SERPINI1: variants seen among roughly 807,000 people sequenced by gnomAD.
The protein encoded by SERPINI1 is serpin family I member 1, also known as neuroserpin.
A neutral mutation model predicts 41.1 loss-of-function variants in SERPINI1; 19 were observed. The ratio of observed to expected loss-of-function variants is 0.46; its 90% confidence interval spans 0.32 to 0.68. The LOEUF is 0.68. Ranked by LOEUF, SERPINI1 falls within the 30% of genes least tolerant of loss-of-function variation. The probability of loss-of-function intolerance (pLI) is 0.03; values close to 1 mark genes in which losing one functional copy is unlikely to be tolerated. For synonymous variants in SERPINI1, 138 were observed against 156.6 expected, an observed-to-expected ratio of 0.88 and a Z score of 0.89; for missense variants, 460 against 479.2, an observed-to-expected ratio of 0.96 and a Z score of 0.37.
At position 167,792,616 on chromosome 3, in the gene SERPINI1, A is replaced by G. The variant is rs774989939; in HGVS notation, c.508A>G (p.Arg170Gly). 109 of 1,613,550 alleles carry G rather than the reference A, an allele frequency of 6.8e-5. No individual in the cohort carries two copies. The highest frequency in any genetic ancestry group is 8.6e-5 in the Non-Finnish European group (101 of 1,179,858). ...TCTGGTGAAAGATTTGGTATCCCCA[A>G]GGGATTTTGATGCTGCCACTTATCT... Reference protein sequence around the residue: ...NNLVKDLVSPRDFDAATYLAL... With the variant: ...NNLVKDLVSPGDFDAATYLAL... The change falls in exon 4 of 9, where the codon AGG (arginine) becomes GGG (glycine). Residue 170 changes from arginine (R) to glycine (G), a missense_variant. By Grantham distance (125) the Arg-to-Gly change is moderately radical (BLOSUM62 -2). Transcript: ENST00000446050.
At position 167,792,638 on chromosome 3, in the gene SERPINI1, A is replaced by T. The variant is rs765811460; in HGVS notation, c.530A>T (p.Tyr177Phe). Residue 177 changes from tyrosine (Y) to phenylalanine (F), a missense_variant, in exon 4 of 9, where the codon TAT becomes TTT. By Grantham distance (22) the Tyr-to-Phe change is conservative. Coordinates refer to ENST00000446050, the MANE Select transcript of SERPINI1 (RefSeq NM_001122752.2). The part of the protein sequence containing the change: ...VSPRDFDAAT[Y>F]LALINAVYFK... The stretch of plus-strand genomic sequence containing the variant: ...CCAAGGGATTTTGATGCTGCCACTT[A>T]TCTGGCCCTCATTAATGCTGTCTAT... 6.2e-7 allele frequency: 1 copy of T among 1,613,772 alleles called. No homozygotes were observed. Among genetic ancestry groups the T allele is most frequent in the Non-Finnish European group, 8.5e-7 (1 of 1,179,898 alleles).
At chr3:167,746,871 G>T (rs1337190863) in intron 1 of SERPINI1, among the ~76,000 whole-genome samples, 3 of 152,190 alleles carry the variant, frequency 2.0e-5, no homozygotes, top group Admixed American at 2.0e-4. Flanking sequence ...AAACAGTTTA[G>T]CCATTCTTCA....
chr3:167,789,447 T>A, intron 2 of SERPINI1, 69 bp downstream of exon 2: 1 of 1,554,522 alleles, frequency 6.4e-7, no homozygotes, highest in Non-Finnish European at 8.9e-7. Context: ...GTTGTATTCT[T>A]ATTCTAGACA....
intron 6 of SERPINI1, among the ~76,000 whole-genome samples, chr3:167,820,758 G>A (rs1712295178): frequency 6.6e-6 from 1 of 152,200 alleles, no homozygotes; most frequent in South Asian, 2.1e-4. Context: ...CAGGCTCCTG[G>A]GTGGAAAGGG....
At chr3:167,744,398 T>C (rs1392387029) in intron 1 of SERPINI1, among the ~76,000 whole-genome samples, 1 of 151,318 alleles carries the variant, frequency 6.6e-6, no homozygotes, top group African/African-American at 2.4e-5. Context: ...AATAGGGATT[T>C]GAAGCTCTCA....
chr3:167,736,664 G>A lies in SERPINI1; in HGVS notation c.-19+841G>A, dbSNP rs78136737. On this transcript the variant is annotated intron_variant, in intron 1 of 8. Coordinates refer to ENST00000446050, the MANE Select transcript of SERPINI1 (RefSeq NM_001122752.2). ...CCCTTAATATGTGTTATGATAGTGG[G>A]TTCAGTTTAAAACACATGTAGTGTC... Among the ~76,000 whole-genome samples the A allele has an allele frequency of 9.6e-3, 1,455 of 152,200 alleles. 29 individuals carry two copies. In the East Asian group the frequency reaches 0.096, roughly 10 times the overall value.
chr3:167,786,147 A>T (rs1309645271), intron 1 of SERPINI1, among the ~76,000 whole-genome samples: 1 of 152,228 alleles, frequency 6.6e-6, no homozygotes, highest in Non-Finnish European at 1.5e-5. Context: ...CAGAAAAGGA[A>T]TAGTGAAATA....
Position 167,793,596 on chromosome 3 carries a change from A to ATATATATATATATATTTT in SERPINI1, c.676+813_676+814insATATATATATATATTTTT. 4.9e-4 allele frequency among the ~76,000 whole-genome samples: 69 copies of ATATATATATATATATTTT among 140,598 alleles called. 1 individual carries two copies. The highest frequency in any genetic ancestry group is 3.5e-3 in the Middle Eastern group (1 of 282). 92.2% of individuals were successfully genotyped at this position (140,598 alleles called of 152,430 possible). A position where few individuals can be genotyped will look rare whatever the true frequency, so the allele number is the denominator to read the frequency against. ...TACAAATATATATATATATATATAT[A>ATATATATATATATATTTT]TTTTTAATTAGCTAGGCATAATGGT... On this transcript the variant is annotated intron_variant, in intron 4 of 8. Transcript: ENST00000446050.
intron 1 of SERPINI1, among the ~76,000 whole-genome samples, chr3:167,774,672 A>G (rs1202480264): frequency 6.6e-6 from 1 of 152,206 alleles, no homozygotes; most frequent in Non-Finnish European, 1.5e-5. Flanking sequence ...CCTAAACCCT[A>G]TTGTCAACTG....
intron 6 of SERPINI1, among the ~76,000 whole-genome samples, chr3:167,808,122 A>G (rs1711720673): frequency 1.4e-5 from 2 of 143,686 alleles, no homozygotes; most frequent in South Asian, 4.2e-4. Flanking sequence ...CTGTCTCAAA[A>G]AATAGTAATG....
chr3:167,749,474 T>G (rs180852267), intron 1 of SERPINI1, among the ~76,000 whole-genome samples: 2 of 152,346 alleles, frequency 1.3e-5, no homozygotes, highest in East Asian at 3.9e-4. Context: ...ACAAGACAAT[T>G]GTGACTATAA....
chr3:167,735,909 G>A (rs1725395195), intron 1 of SERPINI1, 86 bp downstream of exon 1: 1 of 152,228 alleles, frequency 6.6e-6, no homozygotes, highest in South Asian at 2.1e-4. Flanking sequence ...ACAGCTAAAA[G>A]AGTCCGCGTT....
chr3:167,763,079 A>G (rs2108541054), intron 1 of SERPINI1, among the ~76,000 whole-genome samples: 1 of 152,236 alleles, frequency 6.6e-6, no homozygotes. Flanking sequence ...GGGAAAATAT[A>G]CCTAAATCAT....
intron 6 of SERPINI1, among the ~76,000 whole-genome samples, chr3:167,808,094 G>A (rs1389976566): frequency 2.0e-5 from 3 of 150,638 alleles, no homozygotes; most frequent in Non-Finnish European, 4.4e-5. Context: ...CTCCAGCCTG[G>A]GCAACAACAG....
chr3:167,789,982 T>C (rs1337575640), intron 2 of SERPINI1, among the ~76,000 whole-genome samples: 1 of 152,206 alleles, frequency 6.6e-6, no homozygotes, highest in Admixed American at 6.6e-5. Flanking sequence ...TAATGGCTTT[T>C]CTAGTTTTAA....
intron 6 of SERPINI1, among the ~76,000 whole-genome samples, chr3:167,814,439 C>T (rs770359838): frequency 1.4e-4 from 21 of 152,158 alleles, no homozygotes; most frequent in Non-Finnish European, 2.1e-4. Context: ...GGGGCTGAAG[C>T]TAAAAATATT....
chr3:167,771,820 TGTGTGTGTGTGCGC>T (rs1280264439), intron 1 of SERPINI1, among the ~76,000 whole-genome samples: 1 of 147,434 alleles, frequency 6.8e-6, no homozygotes, highest in African/African-American at 2.6e-5. Flanking sequence ...TGTGTGTGAG[TGTGTGTGTGTGCGC>T]GTGTGTGTGT....
intron 1 of SERPINI1, among the ~76,000 whole-genome samples, chr3:167,744,748 CTATATT>C (rs1190438039): frequency 9.1e-6 from 1 of 110,378 alleles, no homozygotes; most frequent in South Asian, 2.4e-4. Flanking sequence ...TTATATATAA[CTATATT>C]TATATATTAA....
chr3:167,806,983 G>C (rs920057870), intron 5 of SERPINI1, among the ~76,000 whole-genome samples: 1 of 152,024 alleles, frequency 6.6e-6, no homozygotes, highest in Non-Finnish European at 1.5e-5. Context: ...AAACTCATTT[G>C]TTGTACCATA....
Sources: gnomAD v4.1 joint callset for allele counts (sites outside exome capture counted in the v4.1 genomes callset) on GRCh38, gnomAD v4.1.1 for gene constraint, MANE v1.5 for transcripts, NCBI Gene and HGNC (gene_info 2026-07-23, HGNC 2026-07-21) for gene names.